SUN3: variants seen among roughly 807,000 people sequenced by gnomAD.
SUN3 encodes Sad1 and UNC84 domain containing 3.
Under a neutral mutation model 48.2 loss-of-function variants are expected in SUN3, and 36 were observed. The observed-to-expected ratio is 0.75, with a 90% CI of 0.57 to 0.99. The LOEUF is 0.99. Among genes scored for constraint, SUN3 ranks in the 50% least tolerant of loss-of-function variants. The pLI, the probability that SUN3 is intolerant of heterozygous loss-of-function variation, is 0.00. For missense variants in SUN3, 419 were observed against 433.1 expected (o/e 0.97, Z 0.29); for synonymous variants, 148 against 147.9 (o/e 1.00, Z 0.00).
chr7:48,020,451 G>A (rs953041366), intron 2 of SUN3, among the ~76,000 whole-genome samples: 1 of 152,132 alleles, frequency 6.6e-6, no homozygotes, highest in Non-Finnish European at 1.5e-5. Context: ...ACATAGTACT[G>A]GAAGTCCTAG....
intron 2 of SUN3, among the ~76,000 whole-genome samples, chr7:48,019,654 A>T (rs1789910440): frequency 6.6e-6 from 1 of 152,132 alleles, no homozygotes; most frequent in Non-Finnish European, 1.5e-5. Flanking sequence ...ACTATGAACA[A>T]CTGTATGCCA....
intron 1 of SUN3, among the ~76,000 whole-genome samples, chr7:48,028,269 G>A (rs1237627371): frequency 6.6e-6 from 1 of 151,816 alleles, no homozygotes; most frequent in East Asian, 1.9e-4. Context: ...TTTGTAAATA[G>A]GTTTAGGGTA....
intron 9 of SUN3, 104 bp downstream of exon 9, chr7:47,988,684 G>T: frequency 1.6e-6 from 1 of 644,832 alleles, no homozygotes; most frequent in South Asian, 2.5e-5. Flanking sequence ...TGTAACTCAC[G>T]CTTTTGTCAT....
At chr7:47,987,614 A>G (rs1000730804) in intron 9 of SUN3, among the ~76,000 whole-genome samples, 165 bp from the exon 10 acceptor site, 1 of 151,230 alleles carries the variant, frequency 6.6e-6, no homozygotes, top group Non-Finnish European at 1.5e-5. Flanking sequence ...GCTCATTGCC[A>G]CCTCTACCTC....
chr7:48,028,830 G>A lies in SUN3; in HGVS notation c.109C>T (p.Pro37Ser), dbSNP rs2128785856. 6.2e-7 allele frequency: 1 copy of A among 1,613,802 alleles called. No homozygotes were observed. The highest frequency in any genetic ancestry group is 2.2e-5 in the East Asian group (1 of 44,872). Residue 37 changes from proline (P) to serine (S), a missense_variant, in exon 1 of 10, where the codon CCT (proline) becomes TCT (serine). Transcript: ENST00000297325. ...GNALLSEDEN[P>S]DANGVTRSWK... ...ATGTTTACCTACCCATTCGCATCAG[G>A]ATTTTCGTCCTCTGATAACAAAGCA... is the stretch of plus-strand genomic sequence containing the variant.
intron 8 of SUN3, among the ~76,000 whole-genome samples, chr7:47,989,604 T>TA (rs1788995588): frequency 6.6e-6 from 1 of 152,208 alleles, no homozygotes; most frequent in Non-Finnish European, 1.5e-5. Flanking sequence ...AAAATATTAA[T>TA]ATCAAACTAT....
chr7:48,018,336 G>A (rs1254680376), intron 2 of SUN3, among the ~76,000 whole-genome samples: 2 of 152,198 alleles, frequency 1.3e-5, no homozygotes, highest in Non-Finnish European at 2.9e-5. Context: ...TGAGATAGTG[G>A]AATAGCAAAC....
chr7:48,035,175 G>GCT, the SUN3 span, among the ~76,000 whole-genome samples: 1 of 152,080 alleles, frequency 6.6e-6, no homozygotes, highest in East Asian at 1.9e-4. The surrounding 1 kb of genome is among the most constrained non-coding windows in gnomAD (Gnocchi z 4.0). Flanking sequence ...TTTCTGGACC[G>GCT]CTCTACAGTA....
At chr7:48,035,761 G>A in the SUN3 span, 1 of 584,330 alleles carries the variant, frequency 1.7e-6, no homozygotes, top group South Asian at 2.0e-5. The surrounding 1 kb of genome is among the most constrained non-coding windows in gnomAD (Gnocchi z 4.0). Flanking sequence ...TCGCCGGGTT[G>A]GGATGAGCAC....
intron 3 of SUN3, among the ~76,000 whole-genome samples, chr7:48,013,713 A>G (rs1324218482): frequency 6.6e-6 from 1 of 152,212 alleles, no homozygotes; most frequent in Non-Finnish European, 1.5e-5. Context: ...CATATTTAAA[A>G]TCTATTACTG....
intron 8 of SUN3, among the ~76,000 whole-genome samples, chr7:47,989,115 T>C (rs1196046142): frequency 6.6e-6 from 1 of 152,114 alleles, no homozygotes; most frequent in Non-Finnish European, 1.5e-5. Context: ...GACAGATAGA[T>C]AGATAGATAG....
At chr7:47,996,862 T>C (rs10253534) in intron 6 of SUN3, among the ~76,000 whole-genome samples, 131,520 of 149,082 alleles carry the variant, frequency 0.88, 58,242 homozygotes, top group Non-Finnish European at 0.92. Context: ...AGTGCAGTGG[T>C]GGAATCTTGG....
chr7:48,030,661 A>C (rs182414635), upstream of SUN3, among the ~76,000 whole-genome samples: 268 of 152,308 alleles, frequency 1.8e-3, 2 homozygotes, highest in Non-Finnish European at 1.8e-3. Flanking sequence ...GCCATAGGCT[A>C]TTTAGCCTGT....
In SUN3 at chr7:48,007,166, T is replaced by C; in HGVS notation, c.491A>G (p.Glu164Gly). 1.4e-6 allele frequency: 2 copies of C among 1,395,386 alleles called. No homozygotes were observed. Among genetic ancestry groups the C allele is most frequent in the East Asian group, 6.4e-5 (2 of 31,270 alleles). 86.4% of individuals were successfully genotyped at this position (1,395,386 alleles called of 1,614,324 possible). The change falls in exon 5 of 10, where the codon GAG becomes GGG. Residue 164 changes from glutamate to glycine, a missense_variant and splice_region_variant. Coordinates refer to ENST00000297325, the MANE Select transcript of SUN3 (RefSeq NM_001030019.2). ...AACCCGCCTAGCCTCATCCAGGACC[T>C]CTGTGTGGTCCGGGTCCTCCACAGG... ...GDPVEDPDHT[E>G]EVSNLVNYVL...
rs780318172 is a variant in SUN3 at position 48,007,240 on chromosome 7, A to G, written c.417T>C (p.Asp139=). The part of the protein sequence containing the change: ...QIDVLKALLR[D]MKDGMDNNHN... ...GATTATTGTCCATACCATCCTTCAT[A>G]TCTCTTAGCAATGCCTTCAGGACAT... Residue 139 remains aspartate (D), a synonymous_variant, in exon 5 of 10, where the codon GAT becomes GAC. Transcript: ENST00000297325. 2.2e-5 allele frequency: 36 copies of G among 1,613,930 alleles called. No individual in the cohort carries two copies. In the Admixed American group the frequency reaches 4.0e-4, roughly 18 times the overall value.
intron 6 of SUN3, among the ~76,000 whole-genome samples, chr7:47,997,350 T>C (rs1416610126): frequency 6.6e-6 from 1 of 152,196 alleles, no homozygotes; most frequent in Non-Finnish European, 1.5e-5. Context: ...GGAAACCCTA[T>C]GTGTACTTCG....
chr7:48,007,123 C>A (rs754516906), intron 5 of SUN3, 42 bp downstream of exon 5: 13 of 1,564,918 alleles, frequency 8.3e-6, no homozygotes, highest in Non-Finnish European at 1.0e-5. Flanking sequence ...CCGCGCTAAC[C>A]ACCACCCCAC....
chr7:48,014,812 C>A (rs1309001461), intron 3 of SUN3, among the ~76,000 whole-genome samples: 1 of 152,156 alleles, frequency 6.6e-6, no homozygotes, highest in African/African-American at 2.4e-5. Context: ...GGGGCTAAGT[C>A]TGAAGTTTTC....
Position 48,002,637 on chromosome 7 carries a change from T to C in SUN3, c.577+3332A>G, listed in dbSNP as rs576225485. Among the ~76,000 whole-genome samples the C allele has an allele frequency of 1.5e-4, 23 of 152,346 alleles. No individual in the cohort carries two copies. In the South Asian group the frequency reaches 4.8e-3, roughly 32 times the overall value. On this transcript the variant is annotated intron_variant, in intron 6 of 9. Transcript: ENST00000297325. The stretch of plus-strand genomic sequence containing the variant: ...ATAAATGCTGGATATTAGACCATTG[T>C]TGGTTGCAGAGTTTGCAAAAATTCC...
Sources: allele counts gnomAD v4.1 joint callset (sites outside exome capture counted in the v4.1 genomes callset), GRCh38; gene constraint gnomAD v4.1.1; non-coding constraint Gnocchi (gnomAD v3.1); transcripts MANE v1.5; gene names NCBI Gene and HGNC (gene_info 2026-07-23, HGNC 2026-07-21).